ATP2B2: variants seen among roughly 807,000 people sequenced by gnomAD.
ATP2B2 encodes ATPase plasma membrane Ca2+ transporting 2.
Under a neutral mutation model 120.0 loss-of-function variants are expected in ATP2B2, and 15 were observed. The observed-to-expected ratio is 0.12, with a 90% confidence interval of 0.08 to 0.19. ATP2B2 has a LOEUF of 0.19. Ranked by LOEUF, ATP2B2 falls within the 10% of genes least tolerant of loss-of-function variation. The pLI is 1.00. For synonymous variants in ATP2B2, 694 were observed against 700.3 expected, an observed-to-expected ratio of 0.99 and a Z score of 0.14; for missense variants, 1,045 against 1,719.8, an observed-to-expected ratio of 0.61 and a Z score of 6.94.
At chr3:10,536,731 T>G (rs2067325870) in intron 2 of ATP2B2, among the ~76,000 whole-genome samples, 1 of 151,406 alleles carries the variant, frequency 6.6e-6, no homozygotes, top group African/African-American at 2.4e-5. Flanking sequence ...TCTCACTAAG[T>G]TGCCCAGGCT....
chr3:10,419,122 C>T (rs2062886697), intron 2 of ATP2B2, among the ~76,000 whole-genome samples: 1 of 152,264 alleles, frequency 6.6e-6, no homozygotes, highest in Non-Finnish European at 1.5e-5. Flanking sequence ...TGTGCACCAG[C>T]ACACAGCAGT....
intron 1 of ATP2B2, among the ~76,000 whole-genome samples, chr3:10,469,784 C>CA (rs1167567461): frequency 1.3e-5 from 2 of 152,154 alleles, no homozygotes; most frequent in African/African-American, 4.8e-5. Flanking sequence ...AGAGGAGGGG[C>CA]AGTCCTTCCT....
At chr3:10,602,193 A>C (rs2068942354) in intron 2 of ATP2B2, among the ~76,000 whole-genome samples, 1 of 152,078 alleles carries the variant, frequency 6.6e-6, no homozygotes, top group Non-Finnish European at 1.5e-5. Context: ...AGCACTGAAA[A>C]ATTCTCACTC....
chr3:10,505,670 T>C (rs1429864836), upstream of ATP2B2: 2 of 138,642 alleles, frequency 1.4e-5, no homozygotes, highest in Non-Finnish European at 1.6e-5. Context: ...CAAAATGCAA[T>C]CTCGGGGGAG....
At chr3:10,524,231 G>T (rs778370074) in intron 3 of ATP2B2, among the ~76,000 whole-genome samples, 28 of 152,106 alleles carry the variant, frequency 1.8e-4, no homozygotes, top group Non-Finnish European at 3.8e-4. Context: ...CAAGGGAGGG[G>T]GTGGGCTTCT....
At chr3:10,595,476 C>T (rs142950206) in intron 2 of ATP2B2, among the ~76,000 whole-genome samples, 1 of 152,326 alleles carries the variant, frequency 6.6e-6, no homozygotes, top group African/African-American at 2.4e-5. Flanking sequence ...CATTTTCCAT[C>T]TTCACAACAG....
chr3:10,616,069 G>A (rs1020053984), intron 2 of ATP2B2, among the ~76,000 whole-genome samples: 7 of 152,170 alleles, frequency 4.6e-5, no homozygotes, highest in African/African-American at 1.7e-4. Flanking sequence ...TCCCTCCCCC[G>A]ATCCCACTAC....
In ATP2B2 at chr3:10,505,124, G is replaced by A. The variant is rs187537489; in HGVS notation, c.-320+341C>T. On this transcript the variant is annotated intron_variant, in intron 1 of 22. Transcript: ENST00000360273. ...GGCCCTTGCATAACATCCTTAGGGG[G>A]CATTTGCAGTCCAGAGGCTGCCGGA... 1.3e-3 allele frequency among the ~76,000 whole-genome samples: 205 copies of A among 152,230 alleles called. 1 individual carries two copies. The highest frequency in any genetic ancestry group is 2.4e-3 in the Non-Finnish European group (160 of 68,014).
At chr3:10,566,285 G>C (rs1051134783) in intron 2 of ATP2B2, 10 of 152,250 alleles carry the variant, frequency 6.6e-5, no homozygotes, top group Non-Finnish European at 1.2e-4. Flanking sequence ...TCATATGCAA[G>C]GTCCTAGCTA....
intron 22 of ATP2B2, among the ~76,000 whole-genome samples, chr3:10,333,302 C>T (rs3774200): frequency 0.075 from 11,340 of 152,150 alleles, 687 homozygotes; most frequent in African/African-American, 0.16. Context: ...AGATCCCCCT[C>T]AGAAGGCTGG....
At chr3:10,422,373 G>A (rs1481474220) in intron 2 of ATP2B2, among the ~76,000 whole-genome samples, 1 of 152,204 alleles carries the variant, frequency 6.6e-6, no homozygotes, top group Non-Finnish European at 1.5e-5. Flanking sequence ...CAGTCTGATG[G>A]TCTGCTATCG....
intron 2 of ATP2B2, among the ~76,000 whole-genome samples, chr3:10,569,849 G>C (rs140518761): frequency 6.6e-6 from 1 of 152,174 alleles, no homozygotes; most frequent in African/African-American, 2.4e-5. Context: ...TCCCAGGCTT[G>C]CCTCCACCTA....
chr3:10,335,478 C>T (rs946973641), intron 22 of ATP2B2, among the ~76,000 whole-genome samples: 2 of 151,958 alleles, frequency 1.3e-5, no homozygotes, highest in Admixed American at 6.6e-5. Flanking sequence ...CTGGGGATCC[C>T]TGGCTGACTA....
intron 1 of ATP2B2, among the ~76,000 whole-genome samples, chr3:10,646,519 C>A (rs1297599534): frequency 1.3e-5 from 2 of 152,080 alleles, no homozygotes; most frequent in Non-Finnish European, 2.9e-5. Context: ...TTTTGCTTGT[C>A]ATCACTTCCT....
chr3:10,601,888 CTCTT>C (rs1559480547), intron 2 of ATP2B2, among the ~76,000 whole-genome samples: 2 of 152,240 alleles, frequency 1.3e-5, no homozygotes, highest in South Asian at 2.1e-4. Context: ...CCTCCCTACC[CTCTT>C]TCTTATTTGT....
intron 22 of ATP2B2, among the ~76,000 whole-genome samples, chr3:10,332,984 C>A (rs1046925044): frequency 6.6e-6 from 1 of 152,176 alleles, no homozygotes; most frequent in African/African-American, 2.4e-5. Flanking sequence ...TGCACCAATT[C>A]ATTCCCTCCC....
intron 2 of ATP2B2, among the ~76,000 whole-genome samples, chr3:10,415,654 A>G (rs988077640): frequency 2.6e-5 from 4 of 152,150 alleles, no homozygotes; most frequent in Admixed American, 1.3e-4. Flanking sequence ...GAAAATTAAC[A>G]CACATATTTT....
intron 1 of ATP2B2, among the ~76,000 whole-genome samples, chr3:10,494,753 C>A (rs2066074124): frequency 6.6e-6 from 1 of 152,186 alleles, no homozygotes; most frequent in Non-Finnish European, 1.5e-5. Flanking sequence ...TACAGAGTGG[C>A]CTTCAGCCCC....
chr3:10,657,008 G>GT (rs924573066), intron 1 of ATP2B2, among the ~76,000 whole-genome samples: 28 of 151,774 alleles, frequency 1.8e-4, no homozygotes, highest in African/African-American at 5.8e-4. Flanking sequence ...AGGGGTTTGG[G>GT]TTTTTTTTTC....
Sources: gnomAD v4.1 joint callset for allele counts (sites outside exome capture counted in the v4.1 genomes callset) on GRCh38, gnomAD v4.1.1 for gene constraint, MANE v1.5 for transcripts, NCBI Gene and HGNC (gene_info 2026-07-23, HGNC 2026-07-21) for gene names.